Variants in GLI2 observed in about 807,000 individuals in gnomAD.
The protein encoded by GLI2 is GLI family zinc finger 2.
In GLI2, 22 loss-of-function variants were observed where a neutral mutation model predicts 78.9. That is an observed-to-expected ratio of 0.28 (90% confidence interval 0.20 to 0.40). The LOEUF (loss-of-function observed/expected upper bound fraction) is 0.40, where lower values mean the gene tolerates loss of function less well. GLI2 is among the 10% of genes least tolerant of loss of function. GLI2 has a pLI of 1.00. For synonymous variants in GLI2, 974 were observed against 963.7 expected (o/e 1.01, Z -0.20); for missense variants, 2,097 against 2,213.2 (o/e 0.95, Z 1.05).
chr2:120,806,731 G>A (rs1052496049), intron 2 of GLI2, among the ~76,000 whole-genome samples: 1 of 152,222 alleles, frequency 6.6e-6, no homozygotes, highest in African/African-American at 2.4e-5. Context: ...GCAGGCCGAG[G>A]TCCCGGAGGC....
chr2:120,925,079 G>A (rs528027942), intron 2 of GLI2, among the ~76,000 whole-genome samples: 15 of 152,174 alleles, frequency 9.9e-5, no homozygotes, highest in South Asian at 2.1e-4. Flanking sequence ...TGGTGGTCCC[G>A]TCACAGCCAC....
At chr2:120,966,502 C>A in intron 5 of GLI2, among the ~76,000 whole-genome samples, 1 of 152,222 alleles carries the variant, frequency 6.6e-6, no homozygotes, top group East Asian at 1.9e-4. Context: ...CCCCTCATCC[C>A]ATGAAAGAGG....
chr2:120,802,897 A>G (rs1684769289), intron 2 of GLI2, among the ~76,000 whole-genome samples: 1 of 152,256 alleles, frequency 6.6e-6, no homozygotes, highest in Admixed American at 6.5e-5. Context: ...ATTGTTAGAA[A>G]TGCTAATTCT....
chr2:120,870,627 G>T (rs1464530156), intron 2 of GLI2, among the ~76,000 whole-genome samples: 1 of 152,194 alleles, frequency 6.6e-6, no homozygotes, highest in Non-Finnish European at 1.5e-5. Flanking sequence ...CTTAGTGTAG[G>T]CTGCTGAGCT....
chr2:120,989,810 A>C lies in GLI2; in HGVS notation c.3845A>C (p.His1282Pro). ...GACCCCACCACGATGGGCAATCGCC[A>C]CAGGGAACTTGGGGTCCCCGATTCA... ...APDPTTMGNR[H>P]RELGVPDSAL... The change falls in exon 14 of 14, where the codon CAC becomes CCC. Residue 1282 changes from histidine to proline, a missense_variant. Physicochemically the swap from His to Pro is moderately conservative, Grantham distance 77. Coordinates refer to ENST00000361492, the MANE Select transcript of GLI2 (RefSeq NM_001374353.1). The C allele has an allele frequency of 6.2e-7, 1 of 1,611,282 alleles. No individual in the cohort carries two copies. Among genetic ancestry groups the C allele is most frequent in the Non-Finnish European group, 8.5e-7 (1 of 1,178,722 alleles).
rs542422047 is a variant in GLI2, at chr2:120,803,150, A to G, written c.148+5682A>G. Among the ~76,000 whole-genome samples, 368 of 152,350 alleles carry G rather than the reference A, an allele frequency of 2.4e-3. 1 individual carries two copies. Among genetic ancestry groups the G allele is most frequent in the Non-Finnish European group, 3.7e-3 (252 of 68,036 alleles). On this transcript the variant is annotated intron_variant, in intron 2 of 13. Coordinates refer to ENST00000361492, the MANE Select transcript of GLI2 (RefSeq NM_001374353.1). Reference sequence around the variant, plus strand: ...AGGCCTGCCAGGGCACTTCCTGGATAGTAGCTGTAACACTGCCTCTCTTAG... The same window carrying G: ...AGGCCTGCCAGGGCACTTCCTGGATGGTAGCTGTAACACTGCCTCTCTTAG...
At chr2:120,775,807 T>G (rs971955612) in intron 1 of GLI2, among the ~76,000 whole-genome samples, 2 of 152,112 alleles carry the variant, frequency 1.3e-5, no homozygotes, top group Non-Finnish European at 2.9e-5. Flanking sequence ...AGTGTTCCCC[T>G]GGGGGGAATG....
intron 3 of GLI2, among the ~76,000 whole-genome samples, chr2:120,949,531 G>A (rs1424852317): frequency 6.6e-6 from 1 of 152,274 alleles, no homozygotes; most frequent in Non-Finnish European, 1.5e-5. Context: ...CACCCTTGGG[G>A]AGCAGAGAGA....
intron 1 of GLI2, among the ~76,000 whole-genome samples, chr2:120,784,622 TGAC>T (rs1683943271): frequency 6.6e-6 from 1 of 152,024 alleles, no homozygotes; most frequent in Non-Finnish European, 1.5e-5. Context: ...GCCGGACACT[TGAC>T]TTCCAGGACT....
At chr2:120,802,532 A>G (rs1573398069) in intron 2 of GLI2, among the ~76,000 whole-genome samples, 1 of 152,332 alleles carries the variant, frequency 6.6e-6, no homozygotes, top group East Asian at 1.9e-4. Context: ...AATTTGATTC[A>G]GATGTTTCTC....
chr2:120,781,841 C>T (rs1006201340), intron 1 of GLI2, among the ~76,000 whole-genome samples: 1 of 151,844 alleles, frequency 6.6e-6, no homozygotes, highest in Non-Finnish European at 1.5e-5. Context: ...TGAGATTATA[C>T]CACTGTACTC....
rs58234044 is a variant in GLI2, at chr2:120,782,498, G to A, written c.-30-14793G>A. ...CATGACAAGATAACTGAGGTGTGGC[G>A]AAGCTGAGTCAGTTGCCCACAGTTT... On this transcript the variant is annotated intron_variant, in intron 1 of 13. Coordinates refer to ENST00000361492, the MANE Select transcript of GLI2 (RefSeq NM_001374353.1). Among the ~76,000 whole-genome samples, 1,186 of 152,318 alleles carry A rather than the reference G, an allele frequency of 7.8e-3. 6 individuals carry two copies. Among genetic ancestry groups the A allele is most frequent in the Non-Finnish European group, 9.2e-3 (626 of 68,034 alleles).
intron 2 of GLI2, among the ~76,000 whole-genome samples, chr2:120,823,768 G>C (rs1685898325): frequency 6.6e-6 from 1 of 152,192 alleles, no homozygotes; most frequent in Admixed American, 6.5e-5. Flanking sequence ...CCACTCCCTG[G>C]GAGCTTGTGG....
At chr2:120,914,847 G>A (rs1454176364) in intron 2 of GLI2, among the ~76,000 whole-genome samples, 2 of 152,212 alleles carry the variant, frequency 1.3e-5, no homozygotes, top group East Asian at 1.9e-4. Flanking sequence ...AGGAAGGTTC[G>A]GTGAGTCAGC....
intron 1 of GLI2, among the ~76,000 whole-genome samples, chr2:120,789,932 TGAG>T (rs1160840568): frequency 6.6e-6 from 1 of 152,192 alleles, no homozygotes; most frequent in Non-Finnish European, 1.5e-5. Flanking sequence ...TGAAATTACT[TGAG>T]GAGAGGAGCT....
At chr2:120,919,743 T>C (rs1272884103) in intron 2 of GLI2, among the ~76,000 whole-genome samples, 1 of 152,268 alleles carries the variant, frequency 6.6e-6, no homozygotes, top group East Asian at 1.9e-4. Context: ...GCCAAGGGGC[T>C]GAGGGCCCTG....
intron 5 of GLI2, among the ~76,000 whole-genome samples, chr2:120,962,655 CA>C (rs2104991725): frequency 6.6e-6 from 1 of 152,328 alleles, no homozygotes; most frequent in East Asian, 1.9e-4. Flanking sequence ...GGTCATAAAT[CA>C]CAGGAGAAAC....
intron 2 of GLI2, among the ~76,000 whole-genome samples, chr2:120,871,330 C>T (rs978370494): frequency 3.9e-5 from 6 of 152,274 alleles, no homozygotes; most frequent in Admixed American, 2.0e-4. Context: ...GCATGGTGGA[C>T]GCTCCATGAG....
intron 2 of GLI2, among the ~76,000 whole-genome samples, chr2:120,823,453 G>T (rs546404993): frequency 7.9e-5 from 12 of 152,150 alleles, no homozygotes; most frequent in Admixed American, 3.3e-4. Flanking sequence ...GACATCACTC[G>T]CCCAGTACAC....
Sources: gnomAD v4.1 joint callset for allele counts (sites outside exome capture counted in the v4.1 genomes callset) on GRCh38, gnomAD v4.1.1 for gene constraint, MANE v1.5 for transcripts, NCBI Gene and HGNC (gene_info 2026-07-23, HGNC 2026-07-21) for gene names.